IPPK: variants seen among roughly 807,000 people sequenced by gnomAD.
IPPK encodes the protein IPK1 homolog.
Under a neutral mutation model 64.6 loss-of-function variants are expected in IPPK, and 22 were observed. The observed-to-expected ratio is 0.34, with a 90% CI of 0.24 to 0.49. IPPK has a LOEUF of 0.49. IPPK is among the 20% of genes least tolerant of loss of function. The probability of loss-of-function intolerance (pLI) is 0.99; values close to 1 mark genes in which losing one functional copy is unlikely to be tolerated. For synonymous variants in IPPK, 262 were observed against 247.2 expected (o/e 1.06, Z -0.56); for missense variants, 532 against 630.7 (o/e 0.84, Z 1.68).
At chr9:92,616,127 C>T in intron 12 of IPPK, 70 bp from the exon 13 acceptor site, 1 of 1,050,238 alleles carries the variant, frequency 9.5e-7, no homozygotes, top group Admixed American at 2.5e-5. Flanking sequence ...CGTTCTCTCT[C>T]CCTTTCTTCT....
At chr9:92,620,659 G>A (rs1427026378) in intron 11 of IPPK, 1 of 152,196 alleles carries the variant, frequency 6.6e-6, no homozygotes, top group African/African-American at 2.4e-5. Flanking sequence ...AAACATCCAA[G>A]CTGCACTTTC....
rs1851918322 is a variant in IPPK, at chr9:92,635,252, G to A, written c.973C>T (p.Leu325Phe). Residue 325 changes from leucine to phenylalanine, a missense_variant, in exon 10 of 13, where the codon CTC becomes TTC. Transcript: ENST00000287996. The surrounding 1 kb of genome is among the most constrained non-coding windows in gnomAD (Gnocchi z 4.4). ...LPKGCLLYKT[L>F]QVQMLDLLDI... ...AGCAGGTCCAACATCTGCACCTGGAGGGTTTTGTACAGAAGACAGCCCTTC... is the reference window on the plus strand; with the variant it reads ...AGCAGGTCCAACATCTGCACCTGGAAGGTTTTGTACAGAAGACAGCCCTTC... 6.2e-7 allele frequency: 1 copy of A among 1,614,230 alleles called. No individual in the cohort carries two copies. The highest frequency in any genetic ancestry group is 8.5e-7 in the Non-Finnish European group (1 of 1,180,038).
chr9:92,630,886 A>T (rs754396867), intron 11 of IPPK, among the ~76,000 whole-genome samples: 212 of 152,142 alleles, frequency 1.4e-3, no homozygotes, highest in Middle Eastern at 6.8e-3. Flanking sequence ...AAAATGACAT[A>T]AAAAAAACTA....
intron 2 of IPPK, among the ~76,000 whole-genome samples, chr9:92,658,027 C>T (rs1222057124): frequency 2.0e-5 from 3 of 152,212 alleles, no homozygotes; most frequent in Non-Finnish European, 2.9e-5. Flanking sequence ...ACAGGACCCA[C>T]GCATCAGATG....
intron 11 of IPPK, among the ~76,000 whole-genome samples, chr9:92,632,886 A>G (rs1322785368): frequency 6.6e-6 from 1 of 152,224 alleles, no homozygotes; most frequent in Non-Finnish European, 1.5e-5. Context: ...CCAGGGCTCC[A>G]GGCAGCGGTG....
intron 1 of IPPK, among the ~76,000 whole-genome samples, chr9:92,664,613 C>T (rs72756443): frequency 6.6e-6 from 1 of 152,114 alleles, no homozygotes; most frequent in African/African-American, 2.4e-5. Context: ...GGGGCTGACC[C>T]CTATAGGCAT....
chr9:92,665,694 C>G (rs1852580623), intron 1 of IPPK, among the ~76,000 whole-genome samples: 1 of 152,196 alleles, frequency 6.6e-6, no homozygotes, highest in South Asian at 2.1e-4. Context: ...CATCATGCAT[C>G]TTCTTTTGTA....
chr9:92,666,036 G>C (rs982368076), intron 1 of IPPK, among the ~76,000 whole-genome samples: 1 of 152,168 alleles, frequency 6.6e-6, no homozygotes, highest in African/African-American at 2.4e-5. Context: ...GAAAGGTCAC[G>C]AAACTGGAAC....
At chr9:92,626,276 A>G (rs1016369899) in intron 11 of IPPK, among the ~76,000 whole-genome samples, 2 of 152,186 alleles carry the variant, frequency 1.3e-5, no homozygotes, top group African/African-American at 2.4e-5. Context: ...AGGCGCCTGT[A>G]GTCCCAGCTA....
At chr9:92,617,540 C>G (rs1455544805) in intron 12 of IPPK, 1 of 152,598 alleles carries the variant, frequency 6.6e-6, no homozygotes, top group Non-Finnish European at 1.5e-5. Flanking sequence ...CAAGAGGCCC[C>G]AGGGACACAC....
intron 3 of IPPK, among the ~76,000 whole-genome samples, chr9:92,653,370 C>A (rs534538788): frequency 6.6e-6 from 1 of 152,094 alleles, no homozygotes; most frequent in African/African-American, 2.4e-5. Context: ...CCCCACCCTG[C>A]GCCGTCACAT....
rs1438810059 is a variant in IPPK at position 92,614,958 on chromosome 9, G to T, written c.*874C>A. ...AACCCGAGGGAGGAACTTGGTCTGG[G>T]AGGAAGAGAGAACTCGCTCCTCAAC... is the stretch of plus-strand genomic sequence containing the variant. On this transcript the variant is annotated 3_prime_UTR_variant, in exon 13 of 13. Coordinates refer to ENST00000287996, the MANE Select transcript of IPPK (RefSeq NM_022755.6). 6.6e-6 allele frequency: 1 copy of T among 152,306 alleles called. No individual in the cohort carries two copies. Among genetic ancestry groups the T allele is most frequent in the African/African-American group, 2.4e-5 (1 of 41,430 alleles). The allele number at this position is 152,306 out of a possible 1,614,324, so 9.4% of individuals were successfully genotyped here.
intron 4 of IPPK, 39 bp from the exon 5 acceptor site, chr9:92,649,613 T>C (rs1480588891): frequency 1.2e-6 from 2 of 1,609,802 alleles, no homozygotes; most frequent in South Asian, 2.2e-5. Flanking sequence ...GCAAGGTCAG[T>C]GAGAGAGATG....
At position 92,658,621 on chromosome 9, in the gene IPPK, C is replaced by A; in HGVS notation, c.129+13G>T. ...AATTGTTGTAAGTCTGGGTGCAAAC[C>A]CACCCATCTTACCTTCTTCCTATTT... On this transcript the variant is annotated intron_variant, in intron 2 of 12. Transcript: ENST00000287996. The A allele has an allele frequency of 6.2e-7, 1 of 1,605,944 alleles. No homozygotes were observed. The highest frequency in any genetic ancestry group is 2.2e-5 in the East Asian group (1 of 44,834).
At chr9:92,645,262 C>T (rs982859694) in intron 6 of IPPK, among the ~76,000 whole-genome samples, 7 of 151,928 alleles carry the variant, frequency 4.6e-5, no homozygotes, top group Admixed American at 6.6e-5. Flanking sequence ...TGGTGGGGTG[C>T]GCCTGTAGTC....
At chr9:92,648,400 A>G (rs2131448552) in intron 5 of IPPK, among the ~76,000 whole-genome samples, 1 of 152,350 alleles carries the variant, frequency 6.6e-6, no homozygotes, top group Middle Eastern at 3.4e-3. Flanking sequence ...CACTAGCTCA[A>G]CACAAGCACA....
chr9:92,669,811 G>A (rs926491901), intron 1 of IPPK, 97 bp downstream of exon 1: 168 of 880,388 alleles, frequency 1.9e-4, no homozygotes, highest in Non-Finnish European at 7.0e-5. Context: ...CTGGGGGGAC[G>A]TGGAACCGAC....
intron 11 of IPPK, among the ~76,000 whole-genome samples, chr9:92,621,507 CTTTTTTTTTTT>C (rs58003734): frequency 1.1e-5 from 1 of 87,800 alleles, no homozygotes; most frequent in African/African-American, 5.1e-5. Context: ...AATACCATTC[CTTTTTTTTTTT>C]TTTTTTTTTT....
intron 11 of IPPK, among the ~76,000 whole-genome samples, chr9:92,631,111 G>A (rs1480477648): frequency 6.6e-6 from 1 of 151,904 alleles, no homozygotes; most frequent in Non-Finnish European, 1.5e-5. Flanking sequence ...ACAGACAAAA[G>A]CAAGAGTTAT....
Sources: allele counts gnomAD v4.1 joint callset (sites outside exome capture counted in the v4.1 genomes callset), GRCh38; gene constraint gnomAD v4.1.1; non-coding constraint Gnocchi (gnomAD v3.1); transcripts MANE v1.5; gene names NCBI Gene and HGNC (gene_info 2026-07-23, HGNC 2026-07-21).